Variants in VANGL1 observed in about 807,000 individuals in gnomAD.
VANGL1 encodes vang-like protein 1.
In VANGL1, 18 loss-of-function variants were observed where a neutral mutation model predicts 48.4. The observed-to-expected ratio is 0.37, with a 90% CI of 0.26 to 0.55. The LOEUF is 0.55. Among genes scored for constraint, VANGL1 ranks in the 20% least tolerant of loss-of-function variants. The pLI is 0.81. For missense variants in VANGL1, 667 were observed against 675.8 expected, an observed-to-expected ratio of 0.99 and a Z score of 0.14; for synonymous variants, 257 against 261.8, an observed-to-expected ratio of 0.98 and a Z score of 0.18.
chr1:115,680,035 G>C (rs1653326917), intron 4 of VANGL1, among the ~76,000 whole-genome samples: 2 of 133,814 alleles, frequency 1.5e-5, no homozygotes, highest in African/African-American at 5.6e-5. Context: ...GTGAGAGAGA[G>C]AGAGAGAGAG....
Position 115,682,504 on chromosome 1 carries a change from G to A in VANGL1, c.946+7G>A. 2 of 1,614,166 alleles carry A rather than the reference G, an allele frequency of 1.2e-6. No individual in the cohort carries two copies. The highest frequency in any genetic ancestry group is 2.7e-5 in the African/African-American group (2 of 75,058). The stretch of plus-strand genomic sequence containing the variant: ...AAAGTCTACAATGTAGATGGTATGT[G>A]CCTTGAAAGGGTGTCCGTGGTGCTC... On this transcript the variant is annotated splice_region_variant and intron_variant, in intron 5 of 7. Coordinates refer to ENST00000355485, the MANE Select transcript of VANGL1 (RefSeq NM_138959.3).
Position 115,664,079 on chromosome 1 carries a change from T to A in VANGL1, c.623T>A (p.Ile208Asn). Residue 208 changes from isoleucine to asparagine, a missense_variant, in exon 4 of 8, where the codon ATT becomes AAT. By Grantham distance (149) the Ile-to-Asn change is moderately radical (BLOSUM62 -3). Transcript: ENST00000355485. ...TATTGGCTTTTTTACGGGGTCCGCA[T>A]TTTGGACTCTCGGGACCGGAATTAC... ...VSYWLFYGVR[I>N]LDSRDRNYQG... 1.2e-6 allele frequency: 2 copies of A among 1,614,234 alleles called. No homozygotes were observed. Among genetic ancestry groups the A allele is most frequent in the Non-Finnish European group, 8.5e-7 (1 of 1,180,040 alleles).
intron 4 of VANGL1, chr1:115,671,321 G>A (rs1557770170): frequency 6.6e-6 from 1 of 152,328 alleles, no homozygotes; most frequent in Non-Finnish European, 1.5e-5. Flanking sequence ...TGAAAGTGGA[G>A]GGGCGCGAGC....
At chr1:115,651,611 C>A (rs1652150798) in intron 2 of VANGL1, 127 bp downstream of exon 2, 2 of 775,638 alleles carry the variant, frequency 2.6e-6, no homozygotes, top group African/African-American at 1.7e-5. Flanking sequence ...AGAAGCTGAG[C>A]TTTAAGAGCA....
At chr1:115,649,260 G>A (rs1652047745) in intron 1 of VANGL1, among the ~76,000 whole-genome samples, 1 of 152,190 alleles carries the variant, frequency 6.6e-6, no homozygotes, top group Non-Finnish European at 1.5e-5. Flanking sequence ...AAGGCCTGCT[G>A]TGTTTTCACA....
chr1:115,642,728 C>T (rs541870608), intron 1 of VANGL1: 1 of 152,132 alleles, frequency 6.6e-6, no homozygotes, highest in East Asian at 2.0e-4. Context: ...CTTTCAAAAA[C>T]GCCGGGGTGG....
rs1393919728 is a variant in VANGL1 at position 115,689,905 on chromosome 1, G to A, written c.1315-1214G>A. ...CGGGAGGCGGAGCTTGCAGTGAGCC[G>A]AGATTCTGCCACGGCACTCCAGCCT... is the stretch of plus-strand genomic sequence containing the variant. On this transcript the variant is annotated intron_variant, in intron 7 of 7. Coordinates refer to ENST00000355485, the MANE Select transcript of VANGL1 (RefSeq NM_138959.3). Among the ~76,000 whole-genome samples, 5 of 138,422 alleles carry A rather than the reference G, an allele frequency of 3.6e-5. 1 individual carries two copies. Among genetic ancestry groups the A allele is most frequent in the Non-Finnish European group, 6.3e-5 (4 of 63,270 alleles). 90.8% of individuals were successfully genotyped at this position (138,422 alleles called of 152,430 possible).
At chr1:115,673,583 CTGTA>C (rs1335420589) in intron 4 of VANGL1, among the ~76,000 whole-genome samples, 4 of 145,752 alleles carry the variant, frequency 2.7e-5, no homozygotes, top group African/African-American at 1.0e-4. Flanking sequence ...CTGTGGGTCT[CTGTA>C]TGTCCTCTTT....
At position 115,659,731 on chromosome 1, in the gene VANGL1, G is replaced by A. The variant is rs776563390; in HGVS notation, c.162G>A (p.Glu54=). 1.2e-6 allele frequency: 2 copies of A among 1,614,210 alleles called. No homozygotes were observed. The highest frequency in any genetic ancestry group is 8.5e-7 in the Non-Finnish European group (1 of 1,180,024). The change falls in exon 3 of 8, where the codon GAG becomes GAA. Residue 54 remains glutamate (E), a synonymous_variant. Transcript: ENST00000355485. ...TCACCATTCAACCTCCCACTGGAGA[G>A]CCCCTGTTGGGAAATGATTCTACTC... is the stretch of plus-strand genomic sequence containing the variant. ...KSVTIQPPTG[E]PLLGNDSTRT...
chr1:115,662,943 C>G (rs537036997), intron 3 of VANGL1, among the ~76,000 whole-genome samples: 1 of 152,210 alleles, frequency 6.6e-6, no homozygotes, highest in Middle Eastern at 3.4e-3. Context: ...TGTGCCACCA[C>G]GCCTTGCTAA....
At chr1:115,684,156 A>G in intron 6 of VANGL1, 80 bp downstream of exon 6, 4 of 1,312,498 alleles carry the variant, frequency 3.0e-6, no homozygotes, top group Non-Finnish European at 4.0e-6. Context: ...TTATTTATTT[A>G]GAGACAGAAT....
intron 4 of VANGL1, among the ~76,000 whole-genome samples, chr1:115,675,362 G>A (rs968433032): frequency 3.9e-5 from 6 of 152,180 alleles, no homozygotes; most frequent in African/African-American, 1.2e-4. Flanking sequence ...TGAGCCAGGC[G>A]TGGTGGCATG....
chr1:115,656,297 C>A (rs914012216), intron 2 of VANGL1, among the ~76,000 whole-genome samples: 1 of 152,192 alleles, frequency 6.6e-6, no homozygotes, highest in Non-Finnish European at 1.5e-5. Flanking sequence ...ATTATCAAGC[C>A]CCTGCTATAT....
chr1:115,658,178 C>T (rs1652415548), intron 2 of VANGL1, among the ~76,000 whole-genome samples: 1 of 152,200 alleles, frequency 6.6e-6, no homozygotes, highest in Non-Finnish European at 1.5e-5. Context: ...GCCATGGGAG[C>T]CTCCTGGCTC....
chr1:115,687,703 CTCTGTG>C, intron 7 of VANGL1, among the ~76,000 whole-genome samples: 1 of 69,716 alleles, frequency 1.4e-5, no homozygotes, highest in South Asian at 6.6e-4. Flanking sequence ...CTCTCTCTTT[CTCTGTG>C]TGTGTGTGTG....
intron 5 of VANGL1, among the ~76,000 whole-genome samples, chr1:115,682,961 G>T (rs376468307): frequency 1.3e-5 from 2 of 152,182 alleles, no homozygotes; most frequent in African/African-American, 4.8e-5. Context: ...AGGCCAGGCT[G>T]GGTAAGTCCA....
At chr1:115,668,051 G>C (rs187680823) in intron 4 of VANGL1, among the ~76,000 whole-genome samples, 4 of 152,198 alleles carry the variant, frequency 2.6e-5, no homozygotes, top group African/African-American at 9.6e-5. Flanking sequence ...AATCATGTGA[G>C]GTAGGTTCTG....
chr1:115,667,577 T>A (rs574619318), intron 4 of VANGL1, among the ~76,000 whole-genome samples: 1 of 152,316 alleles, frequency 6.6e-6, no homozygotes, highest in African/African-American at 2.4e-5. Flanking sequence ...GTAAGGGACC[T>A]GCTCAAGGTC....
At chr1:115,671,202 A>G (rs907432514) in intron 4 of VANGL1, 2 of 152,360 alleles carry the variant, frequency 1.3e-5, no homozygotes, top group Admixed American at 6.5e-5. Flanking sequence ...GAGATGGGTC[A>G]CACTCCCTGA....
Sources: allele counts gnomAD v4.1 joint callset (sites outside exome capture counted in the v4.1 genomes callset), GRCh38; gene constraint gnomAD v4.1.1; transcripts MANE v1.5; gene names NCBI Gene and HGNC (gene_info 2026-07-23, HGNC 2026-07-21).